LRP1B: variants seen among roughly 807,000 people sequenced by gnomAD.
The protein encoded by LRP1B is LDL receptor related protein 1B, also known as low-density lipoprotein receptor-related protein 1B.
In LRP1B, 217 loss-of-function variants were observed where a neutral mutation model predicts 556.6. That is an observed-to-expected ratio of 0.39 (90% CI 0.35 to 0.44). The LOEUF (loss-of-function observed/expected upper bound fraction) is 0.44. Among genes scored for constraint, LRP1B ranks in the 20% least tolerant of loss-of-function variants. The pLI, the probability that LRP1B is intolerant of heterozygous loss-of-function variation, is 1.00. For synonymous variants in LRP1B, 2,047 were observed against 1,865.8 expected (o/e 1.10, Z -2.50); for missense variants, 5,053 against 5,620.8 (o/e 0.90, Z 3.23).
At chr2:142,037,123 C>A (rs1703907309) in intron 1 of LRP1B, among the ~76,000 whole-genome samples, 1 of 151,488 alleles carries the variant, frequency 6.6e-6, no homozygotes, top group Non-Finnish European at 1.5e-5. Flanking sequence ...CAGAAATGGT[C>A]AAAACAAAGA....
chr2:140,242,769 A>T (rs1681004056), intron 87 of LRP1B, among the ~76,000 whole-genome samples: 1 of 151,262 alleles, frequency 6.6e-6, no homozygotes, highest in East Asian at 2.0e-4. Context: ...AAGGAAAAAC[A>T]GTTGGGCTGG....
At chr2:140,738,906 TC>T (rs1688040906) in intron 35 of LRP1B, among the ~76,000 whole-genome samples, 1 of 152,202 alleles carries the variant, frequency 6.6e-6, no homozygotes, top group Non-Finnish European at 1.5e-5. Context: ...TATAATTGGA[TC>T]TTTTGTAATA....
chr2:141,481,230 A>C (rs138299559), intron 2 of LRP1B, among the ~76,000 whole-genome samples: 1 of 152,288 alleles, frequency 6.6e-6, no homozygotes, highest in Middle Eastern at 3.4e-3. Context: ...AAATCAGAAC[A>C]TAGGGTCTTT....
chr2:140,786,933 G>A (rs1373999102), intron 32 of LRP1B, among the ~76,000 whole-genome samples: 1 of 152,118 alleles, frequency 6.6e-6, no homozygotes, highest in African/African-American at 2.4e-5. Context: ...AAACAAGGCA[G>A]CTCTGAATGA....
At chr2:142,020,641 G>A (rs1703298739) in intron 1 of LRP1B, among the ~76,000 whole-genome samples, 1 of 152,092 alleles carries the variant, frequency 6.6e-6, no homozygotes, top group Admixed American at 6.5e-5. Context: ...CACAGAGAAT[G>A]TTCAGTGAGT....
chr2:141,100,750 G>A (rs756177811), intron 7 of LRP1B, among the ~76,000 whole-genome samples: 14 of 152,016 alleles, frequency 9.2e-5, no homozygotes, highest in African/African-American at 2.7e-4. Flanking sequence ...AGATTCTTAC[G>A]GAGCTGGAAG....
chr2:140,615,980 T>TA (rs1170140160), intron 41 of LRP1B, among the ~76,000 whole-genome samples: 1 of 152,072 alleles, frequency 6.6e-6, no homozygotes, highest in Admixed American at 6.6e-5. Context: ...GAGTGTATCT[T>TA]ACGTTTGTTG....
intron 1 of LRP1B, among the ~76,000 whole-genome samples, chr2:141,919,610 A>G (rs1309224500): frequency 6.6e-6 from 1 of 152,036 alleles, no homozygotes; most frequent in African/African-American, 2.4e-5. Flanking sequence ...AAGTCTACAA[A>G]TGAATGAAAA....
intron 25 of LRP1B, among the ~76,000 whole-genome samples, chr2:140,872,356 C>T (rs1214955617): frequency 2.9e-5 from 2 of 68,730 alleles, no homozygotes; most frequent in Non-Finnish European, 5.6e-5. Context: ...TATTGTGTCA[C>T]CTGATTTTTT....
chr2:140,830,264 G>C (rs184378607), intron 31 of LRP1B, among the ~76,000 whole-genome samples: 316 of 152,040 alleles, frequency 2.1e-3, no homozygotes, highest in African/African-American at 7.2e-3. Context: ...CATTCTAAGA[G>C]GCCAGCATTT....
chr2:141,054,751 C>T (rs551150395), intron 10 of LRP1B, among the ~76,000 whole-genome samples: 1 of 152,010 alleles, frequency 6.6e-6, no homozygotes, highest in East Asian at 2.0e-4. Context: ...AAACAAGCAA[C>T]ATGCCTATTA....
chr2:140,729,684 AC>A (rs1687710874), intron 35 of LRP1B, among the ~76,000 whole-genome samples: 2 of 152,102 alleles, frequency 1.3e-5, no homozygotes, highest in African/African-American at 4.8e-5. Flanking sequence ...AGACTCAATC[AC>A]CCTCTTGTAA....
intron 1 of LRP1B, among the ~76,000 whole-genome samples, chr2:142,054,648 G>T (rs1377864078): frequency 1.4e-4 from 22 of 152,150 alleles, no homozygotes; most frequent in Non-Finnish European, 1.5e-5. Context: ...GTAATTGTTG[G>T]ATTCCTTCAG....
At chr2:140,744,852 A>G (rs900590086) in intron 35 of LRP1B, among the ~76,000 whole-genome samples, 3 of 152,020 alleles carry the variant, frequency 2.0e-5, no homozygotes, top group Non-Finnish European at 2.9e-5. Context: ...GCTCCAGGAG[A>G]GGAGAGATTT....
rs372295511 is a variant in LRP1B at position 140,725,069 on chromosome 2, A to T, written c.5759-8253T>A. Among the ~76,000 whole-genome samples, 4 of 152,326 alleles carry T rather than the reference A, an allele frequency of 2.6e-5. No homozygotes were observed. In the East Asian group the frequency reaches 5.8e-4, roughly 22 times the overall value. On this transcript the variant is annotated intron_variant, in intron 35 of 90. Transcript: ENST00000389484. Reference sequence around the variant, plus strand: ...TATTAATACCTCTAATTTATCTAACATAATGATTTCTTTGGGGAACTAAAA... The same window carrying T: ...TATTAATACCTCTAATTTATCTAACTTAATGATTTCTTTGGGGAACTAAAA...
At chr2:141,049,266 ATCT>A (rs1490342293) in intron 10 of LRP1B, 44 bp from the exon 11 acceptor site, 2 of 1,280,564 alleles carry the variant, frequency 1.6e-6, no homozygotes, top group Non-Finnish European at 2.3e-6. Context: ...ATGCTGCTTA[ATCT>A]TCTTTACACT....
chr2:140,951,901 T>C lies in LRP1B; in HGVS notation c.2927A>G (p.Lys976Arg), dbSNP rs1404603602. Reference sequence around the variant, plus strand: ...TTTGCTGCTAATGCATCTTCCACTTTTGCATACGAATTGGGTTAGTGGCTC... The same window carrying C: ...TTTGCTGCTAATGCATCTTCCACTTCTGCATACGAATTGGGTTAGTGGCTC... ...TCEPLTQFVC[K>R]SGRCISSKWH... The change falls in exon 19 of 91, where the codon AAA becomes AGA. Residue 976 changes from lysine to arginine, a missense_variant. Lys to Arg is a conservative substitution (Grantham distance 26). Coordinates refer to ENST00000389484, the MANE Select transcript of LRP1B (RefSeq NM_018557.3). 3 of 1,613,944 alleles carry C rather than the reference T, an allele frequency of 1.9e-6. No individual in the cohort carries two copies. The highest frequency in any genetic ancestry group is 2.7e-5 in the African/African-American group (2 of 74,934).
chr2:141,159,798 A>C (rs1679922041), intron 7 of LRP1B, among the ~76,000 whole-genome samples: 1 of 152,224 alleles, frequency 6.6e-6, no homozygotes, highest in African/African-American at 2.4e-5. Flanking sequence ...TTTAGTTAAA[A>C]ATATATGGCA....
chr2:141,445,587 G>C (rs1490953569), intron 3 of LRP1B, among the ~76,000 whole-genome samples: 1 of 152,150 alleles, frequency 6.6e-6, no homozygotes, highest in Non-Finnish European at 1.5e-5. Context: ...TCTAAACACT[G>C]TGTTAGCTGT....
Sources: gnomAD v4.1 joint callset for allele counts (sites outside exome capture counted in the v4.1 genomes callset) on GRCh38, gnomAD v4.1.1 for gene constraint, MANE v1.5 for transcripts, NCBI Gene and HGNC (gene_info 2026-07-23, HGNC 2026-07-21) for gene names.